Variants in LARP4B observed in about 807,000 individuals in gnomAD.
LARP4B encodes La ribonucleoprotein 4B, also known as la-related protein 4B.
A neutral mutation model predicts 89.8 loss-of-function variants in LARP4B; 12 were observed. That is an observed-to-expected ratio of 0.13 (90% CI 0.09 to 0.22). The LOEUF is 0.22. Ranked by LOEUF, LARP4B falls within the 10% of genes least tolerant of loss-of-function variation. LARP4B has a pLI of 1.00. For missense variants in LARP4B, 757 were observed against 947.7 expected (o/e 0.80, Z 2.64); for synonymous variants, 367 against 363.3 (o/e 1.01, Z -0.12).
chr10:966,657 G>C, the LARP4B span, among the ~76,000 whole-genome samples: 37 of 152,230 alleles, frequency 2.4e-4, no homozygotes, highest in Non-Finnish European at 4.7e-4. Context: ...GTCGGGCGAA[G>C]GCAGGCCTGA....
the LARP4B span, among the ~76,000 whole-genome samples, chr10:978,774 T>C: frequency 6.6e-6 from 1 of 152,246 alleles, no homozygotes; most frequent in Non-Finnish European, 1.5e-5. Context: ...ATCACTTTGC[T>C]TCTATTGCAA....
In LARP4B at chr10:897,208, TC is replaced by T. The variant is rs1195461454; in HGVS notation, c.-39-11449del. Among the ~76,000 whole-genome samples the T allele has an allele frequency of 4.6e-5, 7 of 151,746 alleles. 1 individual carries two copies. In the South Asian group the frequency reaches 1.3e-3, roughly 27 times the overall value. Reference sequence around the variant, plus strand: ...CAGATCAATACAATAGAAACGAGAGTCCAGAAAGAAACCGTTACATTTATAG... The same window carrying T: ...CAGATCAATACAATAGAAACGAGAGTCAGAAAGAAACCGTTACATTTATAG... On this transcript the variant is annotated intron_variant, in intron 1 of 17. Transcript: ENST00000316157.
chr10:874,177 T>A (rs1354455174), intron 3 of LARP4B, among the ~76,000 whole-genome samples: 1 of 152,146 alleles, frequency 6.6e-6, no homozygotes, highest in Non-Finnish European at 1.5e-5. Context: ...GAGGTTGCAG[T>A]GAGCCAAGAT....
chr10:878,083 G>A (rs1003099500), intron 3 of LARP4B, among the ~76,000 whole-genome samples: 11 of 152,150 alleles, frequency 7.2e-5, no homozygotes, highest in East Asian at 5.8e-4. Flanking sequence ...AGAGCCCTGC[G>A]GTAAGGTGAT....
intron 1 of LARP4B, among the ~76,000 whole-genome samples, chr10:893,757 A>G (rs548468112): frequency 6.6e-6 from 1 of 152,332 alleles, no homozygotes; most frequent in African/African-American, 2.4e-5. Context: ...GAAGACACAG[A>G]GGCCACAGCA....
the LARP4B span, among the ~76,000 whole-genome samples, chr10:967,863 A>G: frequency 6.6e-6 from 1 of 151,974 alleles, no homozygotes; most frequent in Non-Finnish European, 1.5e-5. Context: ...ACCATGCCCC[A>G]TTAATTTTTT....
the LARP4B span, among the ~76,000 whole-genome samples, chr10:973,513 G>A: frequency 5.9e-5 from 9 of 151,868 alleles, no homozygotes; most frequent in African/African-American, 9.7e-5. Context: ...CACCACACCC[G>A]GCTGATTTTT....
chr10:950,966 G>A, the LARP4B span, among the ~76,000 whole-genome samples: 1 of 151,218 alleles, frequency 6.6e-6, no homozygotes, highest in Admixed American at 6.6e-5. Flanking sequence ...CGTCCTTCCC[G>A]CCTGCCTGTC....
At chr10:926,527 G>A (rs879393234) in intron 1 of LARP4B, among the ~76,000 whole-genome samples, 2 of 152,124 alleles carry the variant, frequency 1.3e-5, no homozygotes, top group Admixed American at 6.5e-5. Context: ...CGAGGCCTAG[G>A]GCAGTCCTGA....
the LARP4B span, among the ~76,000 whole-genome samples, chr10:959,335 C>A: frequency 6.0e-5 from 9 of 150,548 alleles, no homozygotes; most frequent in African/African-American, 2.0e-4. Context: ...AGCAATCCCA[C>A]CTCCTCATCA....
chr10:850,737 A>G (rs1439435749), intron 5 of LARP4B, among the ~76,000 whole-genome samples: 2 of 152,228 alleles, frequency 1.3e-5, no homozygotes, highest in Non-Finnish European at 2.9e-5. Context: ...AAGACTTAAT[A>G]TATTTAAAGA....
At position 822,309 on chromosome 10, in the gene LARP4B, G is replaced by A. The variant is rs1175848223; in HGVS notation, c.1485-1464C>T. Among the ~76,000 whole-genome samples, 1 of 152,248 alleles carries A rather than the reference G, an allele frequency of 6.6e-6. No homozygotes were observed. The highest frequency in any genetic ancestry group is 6.5e-5 in the Admixed American group (1 of 15,288). ...GAGGCATTGCCCTGAGCGCTGGACA[G>A]AGGGACAGCAGCCACATGGGCAGAG... On this transcript the variant is annotated intron_variant, in intron 13 of 17. Transcript: ENST00000316157. The surrounding 1 kb of genome is among the most constrained non-coding windows in gnomAD (Gnocchi z 4.6).
chr10:918,428 T>C (rs1291435921), intron 1 of LARP4B, among the ~76,000 whole-genome samples: 1 of 151,416 alleles, frequency 6.6e-6, no homozygotes, highest in Admixed American at 6.6e-5. Context: ...AGCCCAGGAG[T>C]TTGAGACCAG....
rs148974839 is a variant in LARP4B at position 920,820 on chromosome 10, C to T, written c.-40+10608G>A. Among the ~76,000 whole-genome samples the T allele has an allele frequency of 2.6e-5, 4 of 152,146 alleles. No individual in the cohort carries two copies. In the East Asian group the frequency reaches 7.8e-4, roughly 30 times the overall value. On this transcript the variant is annotated intron_variant, in intron 1 of 17. Coordinates refer to ENST00000316157, the MANE Select transcript of LARP4B (RefSeq NM_015155.3). ...TAAAGGTTCCTTCAGTCTTTTAATT[C>T]CAGACTGATAACGATGGAACTGATA...
intron 9 of LARP4B, 43 bp downstream of exon 9, chr10:830,824 G>T: frequency 1.2e-6 from 1 of 860,488 alleles, no homozygotes; most frequent in Non-Finnish European, 1.9e-6. Flanking sequence ...AGTAAAAACT[G>T]GTAAACTATG....
intron 7 of LARP4B, among the ~76,000 whole-genome samples, chr10:838,583 A>G (rs1833350954): frequency 6.6e-6 from 1 of 152,224 alleles, no homozygotes. Context: ...ACCTGTCAGC[A>G]CAGCAAAAAT....
At chr10:972,445 G>A in the LARP4B span, 2 of 447,562 alleles carry the variant, frequency 4.5e-6, no homozygotes, top group Non-Finnish European at 9.0e-6. Flanking sequence ...TATTCCTTAT[G>A]TATTACCCAG....
intron 1 of LARP4B, among the ~76,000 whole-genome samples, chr10:930,646 T>C (rs1837273190): frequency 6.6e-6 from 1 of 152,132 alleles, no homozygotes; most frequent in Non-Finnish European, 1.5e-5. Context: ...TTCCGATGGC[T>C]TCTCTGCCGC....
In LARP4B at chr10:812,947, A is replaced by G. The variant is rs780650567; in HGVS notation, c.2196T>C (p.Thr732=). The G allele has an allele frequency of 6.5e-7, 1 of 1,549,120 alleles. No homozygotes were observed. Among genetic ancestry groups the G allele is most frequent in the Non-Finnish European group, 8.6e-7 (1 of 1,156,608 alleles). The stretch of plus-strand genomic sequence containing the variant: ...GTTTTCACTGAGGAGACTTGGGGGG[A>G]GTGCTCTGCTCTCGGCTGAGACGCT... ...MGKRLSREQS[T]PPKSPQ is the part of the protein sequence containing the mutation. Residue 732 remains threonine (T), a synonymous_variant, in exon 18 of 18, where the codon ACT becomes ACC. Transcript: ENST00000316157.
Sources: gnomAD v4.1 joint callset for allele counts (sites outside exome capture counted in the v4.1 genomes callset) on GRCh38, gnomAD v4.1.1 for gene constraint, Gnocchi (gnomAD v3.1) non-coding constraint, MANE v1.5 for transcripts, NCBI Gene and HGNC (gene_info 2026-07-23, HGNC 2026-07-21) for gene names.